NAALADL2: variants seen among roughly 807,000 people sequenced by gnomAD.
NAALADL2 encodes the protein inactive N-acetylated-alpha-linked acidic dipeptidase-like protein 2.
NAALADL2 carries 76 observed loss-of-function variants against 87.2 expected under a neutral mutation model. That is an observed-to-expected ratio of 0.87 (90% CI 0.72 to 1.05). The LOEUF (loss-of-function observed/expected upper bound fraction) is 1.05. Among genes scored for constraint, NAALADL2 ranks in the 50% least tolerant of loss-of-function variants. The pLI is 0.00. For synonymous variants in NAALADL2, 354 were observed against 331.0 expected (o/e 1.07, Z -0.75); for missense variants, 1,089 against 945.8 (o/e 1.15, Z -1.99).
intron 4 of NAALADL2, among the ~76,000 whole-genome samples, chr3:175,263,591 T>A (rs566590985): frequency 3.0e-4 from 46 of 152,058 alleles, no homozygotes; most frequent in African/African-American, 8.4e-4. Flanking sequence ...GCATATTTCT[T>A]ATTGTAATAT....
chr3:175,226,303 A>G (rs754724466), intron 2 of NAALADL2, among the ~76,000 whole-genome samples: 7 of 152,054 alleles, frequency 4.6e-5, no homozygotes, highest in African/African-American at 7.2e-5. Context: ...AATTCATTCT[A>G]TTGTATTTTT....
intron 2 of NAALADL2, among the ~76,000 whole-genome samples, chr3:175,195,420 C>A (rs1284960342): frequency 6.6e-6 from 1 of 151,600 alleles, no homozygotes; most frequent in Non-Finnish European, 1.5e-5. Context: ...TGAGATGGAT[C>A]AGGTGGTGAG....
intron 2 of NAALADL2, among the ~76,000 whole-genome samples, chr3:174,652,498 C>A (rs2108757662): frequency 6.6e-6 from 1 of 152,198 alleles, no homozygotes; most frequent in South Asian, 2.1e-4. Flanking sequence ...AGAGCAAAGG[C>A]ATGTCTTACA....
At chr3:174,557,263 A>T (rs894391282) in intron 2 of NAALADL2, among the ~76,000 whole-genome samples, 5 of 152,278 alleles carry the variant, frequency 3.3e-5, no homozygotes, top group African/African-American at 1.2e-4. Context: ...CATGCCACAA[A>T]AACCTTGACT....
At chr3:174,565,522 T>C (rs1714153376) in intron 2 of NAALADL2, among the ~76,000 whole-genome samples, 1 of 152,104 alleles carries the variant, frequency 6.6e-6, no homozygotes, top group African/African-American at 2.4e-5. Flanking sequence ...TCTTTATTTC[T>C]GAACAGTATT....
chr3:175,152,886 G>A (rs1272901020), intron 2 of NAALADL2, among the ~76,000 whole-genome samples: 4 of 151,686 alleles, frequency 2.6e-5, no homozygotes, highest in African/African-American at 7.3e-5. Flanking sequence ...CAGTCTGGGC[G>A]ACAGAGTGAG....
At chr3:174,546,573 C>T (rs560869719) in intron 1 of NAALADL2, among the ~76,000 whole-genome samples, 14 of 152,202 alleles carry the variant, frequency 9.2e-5, no homozygotes, top group African/African-American at 3.4e-4. Context: ...CAGACTCTTA[C>T]GTTGTACCAT....
Position 175,714,285 on chromosome 3 carries a change from A to G in NAALADL2, c.1897-23021A>G, listed in dbSNP as rs547294087. ...TGGGTCAAATGGTATTTCTGGTTCT[A>G]GATCCTTGAGGAATCGCCACACTGT... On this transcript the variant is annotated intron_variant, in intron 11 of 13. Transcript: ENST00000454872. 5.3e-5 allele frequency among the ~76,000 whole-genome samples: 8 copies of G among 152,276 alleles called. No individual in the cohort carries two copies. The East Asian group carries it at 1.4e-3, about 26-fold the overall frequency.
At chr3:175,281,407 C>T (rs1200199747) in intron 4 of NAALADL2, among the ~76,000 whole-genome samples, 1 of 151,740 alleles carries the variant, frequency 6.6e-6, no homozygotes, top group East Asian at 1.9e-4. Flanking sequence ...TCATATCATT[C>T]GTTTAGATAA....
rs148921740 is a variant in NAALADL2, at chr3:175,090,849, T to A, written c.44-5941T>A. Among the ~76,000 whole-genome samples the A allele has an allele frequency of 1.0e-4, 11 of 106,880 alleles. No homozygotes were observed. The East Asian group carries it at 1.6e-3, about 15-fold the overall frequency. 70.1% of individuals were successfully genotyped at this position (106,880 alleles called of 152,430 possible). A position where few individuals can be genotyped will look rare whatever the true frequency, so the allele number is the denominator to read the frequency against. On this transcript the variant is annotated intron_variant, in intron 1 of 13. Transcript: ENST00000454872. ...TCCTATTTAATCTATTAGTGAAGCA[T>A]GAGCAACAAATAATTATTTCTTTTA...
chr3:174,824,488 C>T (rs1579082028), intron 3 of NAALADL2, among the ~76,000 whole-genome samples: 1 of 152,096 alleles, frequency 6.6e-6, no homozygotes, highest in Middle Eastern at 3.2e-3. Context: ...TCCAAATATA[C>T]CAGAGGATAT....
chr3:174,532,278 T>C (rs143497889), intron 1 of NAALADL2, among the ~76,000 whole-genome samples: 1 of 151,888 alleles, frequency 6.6e-6, no homozygotes, highest in Non-Finnish European at 1.5e-5. Flanking sequence ...TTTTTTAGAG[T>C]GTGAAGATCC....
At chr3:175,404,893 T>C (rs1712025442) in intron 5 of NAALADL2, among the ~76,000 whole-genome samples, 1 of 152,312 alleles carries the variant, frequency 6.6e-6, no homozygotes, top group African/African-American at 2.4e-5. Context: ...AATTAATCAC[T>C]TGCAGTTGTA....
rs771792430 is a variant in NAALADL2 at position 175,349,905 on chromosome 3, GA to G, written c.1090+25583del. ...GCATGTGCAGTGGACTTATTGGATG[GA>G]AAGTTGGATGACTGTTTATTCTACT... On this transcript the variant is annotated intron_variant, in intron 5 of 13. Coordinates refer to ENST00000454872, the MANE Select transcript of NAALADL2 (RefSeq NM_207015.3). Among the ~76,000 whole-genome samples the G allele has an allele frequency of 2.0e-5, 3 of 152,108 alleles. No homozygotes were observed. The South Asian group carries it at 6.2e-4, about 32-fold the overall frequency.
intron 3 of NAALADL2, among the ~76,000 whole-genome samples, chr3:175,245,368 G>C (rs1747775422): frequency 6.6e-6 from 1 of 152,128 alleles, no homozygotes; most frequent in African/African-American, 2.4e-5. Context: ...TATTTTGTCT[G>C]TTGACTTTGG....
At chr3:175,785,074 T>G (rs1751733482) in intron 13 of NAALADL2, among the ~76,000 whole-genome samples, 1 of 151,226 alleles carries the variant, frequency 6.6e-6, no homozygotes, top group South Asian at 2.1e-4. Context: ...AGAGATAGTT[T>G]GTTATAATGT....
chr3:174,513,252 C>T lies in NAALADL2; in HGVS notation c.-183-37317C>T, dbSNP rs562248775. Among the ~76,000 whole-genome samples the T allele has an allele frequency of 8.5e-5, 13 of 152,116 alleles. No individual in the cohort carries two copies. In the East Asian group the frequency reaches 9.7e-4, roughly 11 times the overall value. Reference sequence around the variant, plus strand: ...TGGGATTACACTTCCCTGGGTGTGGCGTGAGCCACCACACCCAGCCATAAG... The same window carrying T: ...TGGGATTACACTTCCCTGGGTGTGGTGTGAGCCACCACACCCAGCCATAAG... On this transcript the variant is annotated intron_variant, in intron 1 of 3. Coordinates refer to the NAALADL2 transcript ENST00000434257.
intron 2 of NAALADL2, among the ~76,000 whole-genome samples, chr3:174,555,243 A>AT (rs1428065965): frequency 6.6e-6 from 1 of 152,216 alleles, no homozygotes; most frequent in Non-Finnish European, 1.5e-5. Context: ...TAACAAATTT[A>AT]TTTAATATAA....
At position 174,534,911 on chromosome 3, in the gene NAALADL2, A is replaced by G. The variant is rs1333420354; in HGVS notation, c.-183-15658A>G. 2.0e-5 allele frequency among the ~76,000 whole-genome samples: 3 copies of G among 152,344 alleles called. No individual in the cohort carries two copies. In the East Asian group the frequency reaches 5.8e-4, roughly 29 times the overall value. ...GCCAGTGGTTCTCAATCTTAGCTGC[A>G]CATTAGAATCATCTGAGGAATGTTA... On this transcript the variant is annotated intron_variant, in intron 1 of 3. Coordinates refer to the NAALADL2 transcript ENST00000434257.
Sources: allele counts gnomAD v4.1 joint callset (sites outside exome capture counted in the v4.1 genomes callset), GRCh38; gene constraint gnomAD v4.1.1; transcripts MANE v1.5; gene names NCBI Gene and HGNC (gene_info 2026-07-23, HGNC 2026-07-21).